The following ST18 variants were observed in gnomAD, a reference collection of about 807,000 sequenced individuals.
ST18 encodes the protein suppression of tumorigenicity 18 protein.
Under a neutral mutation model 110.0 loss-of-function variants are expected in ST18, and 50 were observed. The ratio of observed to expected loss-of-function variants is 0.45; its 90% CI spans 0.36 to 0.58. ST18 has a LOEUF of 0.58. ST18 is among the 20% of genes least tolerant of loss of function. The pLI, the probability that ST18 is intolerant of heterozygous loss-of-function variation, is 0.00. For missense variants in ST18, 1,306 were observed against 1,280.1 expected, an observed-to-expected ratio of 1.02 and a Z score of -0.31; for synonymous variants, 461 against 452.4, an observed-to-expected ratio of 1.02 and a Z score of -0.24.
At chr8:52,330,224 C>G (rs185836311) in intron 2 of ST18, among the ~76,000 whole-genome samples, 4 of 152,122 alleles carry the variant, frequency 2.6e-5, no homozygotes, top group Admixed American at 2.6e-4. Flanking sequence ...CCTGAGGAAC[C>G]AGGTGAGACA....
chr8:52,233,423 C>T (rs1467784824), intron 2 of ST18, among the ~76,000 whole-genome samples: 1 of 151,984 alleles, frequency 6.6e-6, no homozygotes, highest in African/African-American at 2.4e-5. Context: ...CCTAGGAGTA[C>T]AAACACCAGG....
chr8:52,216,968 A>C (rs982646418), intron 6 of ST18, among the ~76,000 whole-genome samples: 3 of 152,188 alleles, frequency 2.0e-5, no homozygotes, highest in African/African-American at 7.2e-5. Flanking sequence ...GATGAGGCAC[A>C]TGATTATGGT....
intron 2 of ST18, among the ~76,000 whole-genome samples, chr8:52,383,805 G>A (rs897894708): frequency 4.0e-5 from 6 of 151,584 alleles, no homozygotes; most frequent in Non-Finnish European, 1.5e-5. Flanking sequence ...CTGGAGTGCA[G>A]TGGCACAATC....
chr8:52,241,857 T>C (rs759211985), intron 2 of ST18, among the ~76,000 whole-genome samples: 6 of 152,200 alleles, frequency 3.9e-5, no homozygotes, highest in Non-Finnish European at 7.3e-5. Context: ...GCTATAATAA[T>C]GTAATTGAAA....
intron 2 of ST18, chr8:52,404,562 T>C (rs545522882): frequency 2.1e-4 from 32 of 152,350 alleles, no homozygotes; most frequent in African/African-American, 7.5e-4. Context: ...CACCCAGCAC[T>C]GTTTTCGGGA....
intron 2 of ST18, among the ~76,000 whole-genome samples, chr8:52,238,219 C>T (rs922627795): frequency 1.3e-5 from 2 of 151,992 alleles, no homozygotes; most frequent in African/African-American, 4.8e-5. Context: ...GGTACATACC[C>T]AAGAAGAATG....
At chr8:52,374,441 T>C (rs1450672868) in intron 2 of ST18, among the ~76,000 whole-genome samples, 1 of 152,204 alleles carries the variant, frequency 6.6e-6, no homozygotes, top group Non-Finnish European at 1.5e-5. Flanking sequence ...CCTGCTGGCA[T>C]CTTGATATCA....
chr8:52,131,047 T>C (rs1586554800), intron 22 of ST18, among the ~76,000 whole-genome samples: 1 of 152,226 alleles, frequency 6.6e-6, no homozygotes, highest in African/African-American at 2.4e-5. Flanking sequence ...GTTTTCTCCA[T>C]AAACAGGTTT....
chr8:52,281,464 A>G (rs188756389), intron 2 of ST18, among the ~76,000 whole-genome samples: 4 of 152,346 alleles, frequency 2.6e-5, no homozygotes. Context: ...ACAATATTAG[A>G]AATGCGAAAG....
chr8:52,375,755 C>T (rs866007930), intron 2 of ST18, among the ~76,000 whole-genome samples: 3 of 152,326 alleles, frequency 2.0e-5, no homozygotes, highest in South Asian at 2.1e-4. Context: ...CATCGACTGC[C>T]TATTTGGTAT....
intron 8 of ST18, among the ~76,000 whole-genome samples, chr8:52,200,280 A>T (rs1189843604): frequency 6.6e-6 from 1 of 152,186 alleles, no homozygotes; most frequent in Admixed American, 6.5e-5. Context: ...GCAGAAGGAG[A>T]ATAATAAAGA....
rs148837753 is a variant in ST18 at position 52,402,430 on chromosome 8, C to T, written c.-465+6898G>A. Among the ~76,000 whole-genome samples the T allele has an allele frequency of 2.0e-3, 301 of 152,238 alleles. 2 individuals are homozygous for T. Among genetic ancestry groups the T allele is most frequent in the Admixed American group, 4.4e-3 (67 of 15,302 alleles). On this transcript the variant is annotated intron_variant, in intron 2 of 25. Coordinates refer to ENST00000689386, the MANE Select transcript of ST18 (RefSeq NM_001352837.2). ...CAAGGACTGTGACTCTAAGGCATTT[C>T]CCAGTAGCTTGGGCCCAGGGTTCAA...
chr8:52,122,472 A>ATTATTTAT (rs572146466), intron 23 of ST18, among the ~76,000 whole-genome samples: 6 of 151,558 alleles, frequency 4.0e-5, no homozygotes, highest in African/African-American at 9.7e-5. Flanking sequence ...GTGAACTTCT[A>ATTATTTAT]TTATTTATTT....
At chr8:52,379,381 A>G (rs938229173) in intron 2 of ST18, among the ~76,000 whole-genome samples, 1 of 152,110 alleles carries the variant, frequency 6.6e-6, no homozygotes, top group Non-Finnish European at 1.5e-5. Context: ...TACAGGCATG[A>G]GACACCACGC....
At chr8:52,184,905 A>G (rs1456020866) in intron 8 of ST18, among the ~76,000 whole-genome samples, 3 of 152,196 alleles carry the variant, frequency 2.0e-5, no homozygotes, top group African/African-American at 4.8e-5. Flanking sequence ...ATGAGACAGA[A>G]TACCACAGAT....
intron 2 of ST18, among the ~76,000 whole-genome samples, chr8:52,233,248 G>T (rs896441107): frequency 1.3e-5 from 2 of 152,102 alleles, no homozygotes; most frequent in African/African-American, 4.8e-5. Flanking sequence ...GGAGTCCTCC[G>T]TGAGTGGAGA....
At chr8:52,201,980 T>C (rs1024746118) in intron 8 of ST18, among the ~76,000 whole-genome samples, 1 of 152,174 alleles carries the variant, frequency 6.6e-6, no homozygotes, top group Non-Finnish European at 1.5e-5. Context: ...AAAAATGAAT[T>C]AGAAACGATT....
intron 8 of ST18, among the ~76,000 whole-genome samples, chr8:52,182,716 T>C (rs2070291750): frequency 6.6e-6 from 1 of 152,166 alleles, no homozygotes; most frequent in East Asian, 1.9e-4. Context: ...AGATATGCTG[T>C]TCAACACTGT....
chr8:52,176,324 T>C (rs2066951803), intron 9 of ST18, among the ~76,000 whole-genome samples: 1 of 152,140 alleles, frequency 6.6e-6, no homozygotes, highest in African/African-American at 2.4e-5. Context: ...GCCTGGCCAA[T>C]TGTCAGGTAA....
Sources: gnomAD v4.1 joint callset for allele counts (sites outside exome capture counted in the v4.1 genomes callset) on GRCh38, gnomAD v4.1.1 for gene constraint, MANE v1.5 for transcripts, NCBI Gene and HGNC (gene_info 2026-07-23, HGNC 2026-07-21) for gene names.